MAGI2: variants seen among roughly 807,000 people sequenced by gnomAD.
MAGI2 encodes membrane-associated guanylate kinase, WW and PDZ domain-containing protein 2.
Under a neutral mutation model 133.3 loss-of-function variants are expected in MAGI2, and 35 were observed. The ratio of observed to expected loss-of-function variants is 0.26; its 90% confidence interval spans 0.20 to 0.35. The LOEUF (loss-of-function observed/expected upper bound fraction) is 0.35. Ranked by LOEUF, MAGI2 falls within the 10% of genes least tolerant of loss-of-function variation. The probability of loss-of-function intolerance (pLI) is 1.00; values close to 1 mark genes in which losing one functional copy is unlikely to be tolerated. For missense variants in MAGI2, 1,636 were observed against 1,863.4 expected (o/e 0.88, Z 2.25); for synonymous variants, 729 against 710.6 (o/e 1.03, Z -0.41).
chr7:79,068,688 C>T (rs186167984), intron 1 of MAGI2, among the ~76,000 whole-genome samples: 13 of 152,096 alleles, frequency 8.5e-5, no homozygotes, highest in East Asian at 1.9e-4. Context: ...GGTAGGGTGT[C>T]GATTTTAGAT....
chr7:79,007,905 TC>T (rs1380632846), intron 1 of MAGI2, among the ~76,000 whole-genome samples: 1 of 151,962 alleles, frequency 6.6e-6, no homozygotes, highest in Non-Finnish European at 1.5e-5. Flanking sequence ...GGTTTTTTTT[TC>T]CTTTTTTCAA....
At chr7:79,085,248 A>G (rs936820778) in intron 1 of MAGI2, among the ~76,000 whole-genome samples, 3 of 151,808 alleles carry the variant, frequency 2.0e-5, no homozygotes, top group African/African-American at 7.2e-5. Context: ...TGCTAGTTCA[A>G]ATCTGCTACT....
chr7:78,017,812 T>C lies in MAGI2; in HGVS notation c.*1503A>G, dbSNP rs1319499966. On this transcript the variant is annotated 3_prime_UTR_variant, in exon 22 of 22. Transcript: ENST00000354212. ...AGGCTATTACGTGTGACCTTTGAGATGGACCTGATCGCCCCTTTTACTTTT... is the reference window on the plus strand; with the variant it reads ...AGGCTATTACGTGTGACCTTTGAGACGGACCTGATCGCCCCTTTTACTTTT... 6.6e-6 allele frequency: 1 copy of C among 152,350 alleles called. No individual in the cohort carries two copies. Among genetic ancestry groups the C allele is most frequent in the Non-Finnish European group, 1.5e-5 (1 of 68,056 alleles). The allele number at this position is 152,350 out of a possible 1,614,324, so 9.4% of individuals were successfully genotyped here.
chr7:79,066,345 T>A (rs183316242), intron 1 of MAGI2, among the ~76,000 whole-genome samples: 2 of 152,212 alleles, frequency 1.3e-5, no homozygotes, highest in East Asian at 3.9e-4. Flanking sequence ...TTCATATGAT[T>A]GTTGACTGCA....
chr7:78,838,027 A>G lies in MAGI2; in HGVS notation c.418+169063T>C, dbSNP rs561133865. ...GCACAATCACTCAGGTCTCTTTGAC[A>G]TTGTAGATTGACTCTCCTCATGCAT... On this transcript the variant is annotated intron_variant, in intron 2 of 21. Transcript: ENST00000354212. Among the ~76,000 whole-genome samples, 229 of 152,230 alleles carry G rather than the reference A, an allele frequency of 1.5e-3. 1 individual carries two copies. The highest frequency in any genetic ancestry group is 1.0e-3 in the Non-Finnish European group (71 of 67,984).
intron 3 of MAGI2, among the ~76,000 whole-genome samples, chr7:78,584,038 C>T (rs1318369199): frequency 6.6e-6 from 1 of 152,118 alleles, no homozygotes. Flanking sequence ...TTATGTAACC[C>T]ATGTGTGATG....
intron 9 of MAGI2, among the ~76,000 whole-genome samples, chr7:78,260,581 T>C (rs985585114): frequency 8.5e-5 from 13 of 152,214 alleles, no homozygotes; most frequent in African/African-American, 1.9e-4. Context: ...AATAAGAAGA[T>C]ACATTTCTTT....
chr7:78,606,078 C>A (rs984576390), intron 3 of MAGI2, among the ~76,000 whole-genome samples: 1 of 152,112 alleles, frequency 6.6e-6, no homozygotes, highest in Non-Finnish European at 1.5e-5. Flanking sequence ...ATTGAATGTT[C>A]TGGGGAATCA....
chr7:78,659,683 G>A (rs1347088720), intron 2 of MAGI2, among the ~76,000 whole-genome samples: 1 of 152,038 alleles, frequency 6.6e-6, no homozygotes, highest in Non-Finnish European at 1.5e-5. Flanking sequence ...GGACAACATG[G>A]GATCTTCATG....
chr7:78,607,181 T>C (rs569639172), intron 3 of MAGI2, among the ~76,000 whole-genome samples: 1 of 152,284 alleles, frequency 6.6e-6, no homozygotes, highest in Non-Finnish European at 1.5e-5. Flanking sequence ...ATTGTGTGAC[T>C]ATTGTGAGAG....
chr7:78,569,468 G>C (rs750529966), intron 3 of MAGI2, among the ~76,000 whole-genome samples: 3 of 152,088 alleles, frequency 2.0e-5, no homozygotes, highest in Non-Finnish European at 4.4e-5. Context: ...GCTTCAAAAT[G>C]CACGTTATAT....
chr7:78,274,034 T>G (rs1191972111), intron 9 of MAGI2, among the ~76,000 whole-genome samples: 1 of 152,224 alleles, frequency 6.6e-6, no homozygotes, highest in East Asian at 1.9e-4. Context: ...TTTGGAATTT[T>G]CAGCCTTTTT....
rs536703461 is a variant in MAGI2 at position 79,028,812 on chromosome 7, A to AT, written c.302-21607dup. On this transcript the variant is annotated intron_variant, in intron 1 of 21. Transcript: ENST00000354212. ...AAAGAGGGCTCAGACATTACTATAT[A>AT]TTTTTTATTTTGGACTGATAAGCTA... Among the ~76,000 whole-genome samples the AT allele has an allele frequency of 6.4e-4, 97 of 152,182 alleles. 1 individual carries two copies. The highest frequency in any genetic ancestry group is 2.3e-3 in the African/African-American group (95 of 41,522).
At chr7:79,279,798 C>A (rs1044170657) in intron 1 of MAGI2, among the ~76,000 whole-genome samples, 8 of 152,178 alleles carry the variant, frequency 5.3e-5, no homozygotes, top group Non-Finnish European at 1.2e-4. Context: ...AATTACGTGA[C>A]ATTTACCATA....
At chr7:78,750,495 T>C (rs1055254849) in intron 2 of MAGI2, among the ~76,000 whole-genome samples, 1 of 152,186 alleles carries the variant, frequency 6.6e-6, no homozygotes, top group Non-Finnish European at 1.5e-5. Context: ...AACTAACGAA[T>C]TGACAGCAAT....
At chr7:78,295,833 CG>C (rs1797175800) in intron 9 of MAGI2, among the ~76,000 whole-genome samples, 1 of 152,092 alleles carries the variant, frequency 6.6e-6, no homozygotes, top group Non-Finnish European at 1.5e-5. Flanking sequence ...TCAAACTGAA[CG>C]TGCATAAAAC....
intron 3 of MAGI2, among the ~76,000 whole-genome samples, chr7:78,522,451 G>C (rs569780216): frequency 1.3e-5 from 2 of 152,208 alleles, no homozygotes; most frequent in East Asian, 3.9e-4. Context: ...CAATCTTGGC[G>C]GACTGATACC....
At chr7:78,389,152 A>G (rs1270301686) in intron 6 of MAGI2, among the ~76,000 whole-genome samples, 2 of 152,192 alleles carry the variant, frequency 1.3e-5, no homozygotes, top group Non-Finnish European at 2.9e-5. Flanking sequence ...AATAAAATTA[A>G]CATGTACTCA....
At chr7:78,448,400 A>G (rs1354489652) in intron 6 of MAGI2, among the ~76,000 whole-genome samples, 1 of 152,054 alleles carries the variant, frequency 6.6e-6, no homozygotes, top group Non-Finnish European at 1.5e-5. Context: ...TCAACAGTAT[A>G]AAAGAGCTCC....
Sources: gnomAD v4.1 joint callset for allele counts (sites outside exome capture counted in the v4.1 genomes callset) on GRCh38, gnomAD v4.1.1 for gene constraint, MANE v1.5 for transcripts, NCBI Gene and HGNC (gene_info 2026-07-23, HGNC 2026-07-21) for gene names.